Variants in PCDHGB2 observed in about 807,000 individuals in gnomAD.
PCDHGB2 encodes the protein protocadherin gamma-B2.
PCDHGB2 carries 55 observed loss-of-function variants against 59.3 expected under a neutral mutation model. The observed-to-expected ratio is 0.93, with a 90% CI of 0.75 to 1.16. PCDHGB2 has a LOEUF of 1.16. Ranked by LOEUF, PCDHGB2 falls within the 50% of genes most tolerant of loss-of-function variation. The pLI is 0.00. For missense variants in PCDHGB2, 1,228 were observed against 1,198.5 expected (o/e 1.02, Z -0.36); for synonymous variants, 516 against 512.0 (o/e 1.01, Z -0.11).
rs1477534800 is a variant in PCDHGB2, at chr5:141,404,988, A to G, written c.2421+42432A>G. The G allele has an allele frequency of 5.0e-6, 8 of 1,613,868 alleles. 1 individual carries two copies. The South Asian group carries it at 7.7e-5, about 16-fold the overall frequency. On this transcript the variant is annotated intron_variant, in intron 1 of 3. Coordinates refer to ENST00000522605, the MANE Select transcript of PCDHGB2 (RefSeq NM_018923.3). ...ATCCTGGCTGACCTGGGCAGTCTTCAGATCCCTGCAGACCTGGAGGCCTCA... is the reference window on the plus strand; with the variant it reads ...ATCCTGGCTGACCTGGGCAGTCTTCGGATCCCTGCAGACCTGGAGGCCTCA...
chr5:141,443,274 A>G (rs1259320198), intron 1 of PCDHGB2, among the ~76,000 whole-genome samples: 12 of 151,534 alleles, frequency 7.9e-5, no homozygotes, highest in African/African-American at 1.7e-4. Context: ...TGAGCCCAGG[A>G]GTTTGAGACC....
chr5:141,388,430 TAAAG>T (rs2091357990), intron 1 of PCDHGB2: 1 of 1,613,634 alleles, frequency 6.2e-7, no homozygotes, highest in South Asian at 1.1e-5. Context: ...CACTGATAAA[TAAAG>T]AGAAATCAGA....
At position 141,402,030 on chromosome 5, in the gene PCDHGB2, A is replaced by C. The variant is rs188760101; in HGVS notation, c.2421+39474A>C. On this transcript the variant is annotated intron_variant, in intron 1 of 3. Transcript: ENST00000522605. Reference sequence around the variant, plus strand: ...ATATGCATTTGAATCATTGAAACACAGTCTGTGCATGCATTACATATTCAC... The same window carrying C: ...ATATGCATTTGAATCATTGAAACACCGTCTGTGCATGCATTACATATTCAC... Among the ~76,000 whole-genome samples the C allele has an allele frequency of 1.4e-3, 213 of 152,348 alleles. 1 individual carries two copies. The highest frequency in any genetic ancestry group is 4.8e-3 in the African/African-American group (199 of 41,586).
rs1289890545 is a variant in PCDHGB2, at chr5:141,414,874, C to T, written c.2421+52318C>T. ...CCAGAACGACAATGCGCCCGAGATC[C>T]TGTACCCCGCCCTCCCCACAGACGG... is the stretch of plus-strand genomic sequence containing the variant. On this transcript the variant is annotated intron_variant, in intron 1 of 3. Transcript: ENST00000522605. 3.7e-6 allele frequency: 6 copies of T among 1,614,136 alleles called. No individual in the cohort carries two copies. The African/African-American group carries it at 8.0e-5, about 22-fold the overall frequency.
intron 1 of PCDHGB2, chr5:141,478,814 C>T (rs1271237848): frequency 6.9e-7 from 1 of 1,451,050 alleles, no homozygotes; most frequent in East Asian, 2.5e-5. Context: ...GCTATCACAA[C>T]TAACCAATCT....
chr5:141,420,857 C>T (rs1342820721), intron 1 of PCDHGB2, among the ~76,000 whole-genome samples: 1 of 152,220 alleles, frequency 6.6e-6, no homozygotes, highest in Non-Finnish European at 1.5e-5. Context: ...AAAGTTTTAA[C>T]GTCACATAAT....
At chr5:141,504,696 G>T (rs2099840373) in intron 2 of PCDHGB2, among the ~76,000 whole-genome samples, 1 of 151,438 alleles carries the variant, frequency 6.6e-6, no homozygotes, top group African/African-American at 2.4e-5. Flanking sequence ...GGAGGGGCAG[G>T]TTCTTCTATG....
intron 1 of PCDHGB2, chr5:141,400,710 C>A (rs1480952915): frequency 2.9e-6 from 2 of 693,672 alleles, no homozygotes; most frequent in Non-Finnish European, 4.8e-6. Context: ...AAAGAAGTAG[C>A]CTTATAGATT....
intron 1 of PCDHGB2, chr5:141,372,982 GT>G: frequency 1.6e-6 from 1 of 641,336 alleles, no homozygotes; most frequent in East Asian, 2.8e-5. Flanking sequence ...GAATATCTGT[GT>G]TGCAGTTGTT....
chr5:141,445,564 G>A (rs564704836), intron 1 of PCDHGB2, among the ~76,000 whole-genome samples: 20 of 152,306 alleles, frequency 1.3e-4, no homozygotes, highest in Admixed American at 1.2e-3. Context: ...CTAAGAGAAA[G>A]CTTATAGTAG....
chr5:141,393,194 C>T (rs770162660), intron 1 of PCDHGB2: 4 of 1,613,360 alleles, frequency 2.5e-6, no homozygotes, highest in Non-Finnish European at 2.5e-6. Flanking sequence ...TTGATATTAA[C>T]GATAATAACC....
intron 2 of PCDHGB2, among the ~76,000 whole-genome samples, chr5:141,499,937 C>T (rs1257575594): frequency 6.6e-6 from 1 of 152,082 alleles, no homozygotes; most frequent in Non-Finnish European, 1.5e-5. Context: ...ATCCACCCTC[C>T]TCGGCCTCCC....
Position 141,360,248 on chromosome 5 carries a change from C to T in PCDHGB2, c.113C>T (p.Pro38Leu), listed in dbSNP as rs765556005. ...CCAGTCCAGATCCGCTATTCAATTCCAGAGGAGCTGGCCAAAAACTCGGTC... is the reference window on the plus strand; with the variant it reads ...CCAGTCCAGATCCGCTATTCAATTCTAGAGGAGCTGGCCAAAAACTCGGTC... ...ALPVQIRYSI[P>L]EELAKNSVVG... The change falls in exon 1 of 4, where the codon CCA becomes CTA. Residue 38 changes from proline to leucine, a missense_variant. Around this residue, in one of 3 missense-constraint regions of PCDHGB2, gnomAD observed 781 missense variants for 721.6 expected, o/e 1.08. Coordinates refer to ENST00000522605, the MANE Select transcript of PCDHGB2 (RefSeq NM_018923.3). 6.2e-7 allele frequency: 1 copy of T among 1,613,920 alleles called. No individual in the cohort carries two copies. The highest frequency in any genetic ancestry group is 1.1e-5 in the South Asian group (1 of 91,078).
chr5:141,444,152 ATTTTTTTTTTTTTT>A (rs747671382), intron 1 of PCDHGB2, among the ~76,000 whole-genome samples: 241 of 33,882 alleles, frequency 7.1e-3, no homozygotes, highest in African/African-American at 0.019. Flanking sequence ...TGTGTACTGG[ATTTTTTTTTTTTTT>A]TTTTTTTTTT....
chr5:141,382,728 C>T, intron 1 of PCDHGB2: 1 of 545,686 alleles, frequency 1.8e-6, no homozygotes. Context: ...AGTTTTACAG[C>T]ACAGAGAAAC....
chr5:141,439,579 G>A (rs980322898), intron 1 of PCDHGB2, among the ~76,000 whole-genome samples: 6 of 152,148 alleles, frequency 3.9e-5, no homozygotes, highest in African/African-American at 1.4e-4. Context: ...GGGACTCAGA[G>A]TGCCACTGTT....
chr5:141,454,932 C>G (rs945154196), intron 1 of PCDHGB2, among the ~76,000 whole-genome samples: 7 of 150,770 alleles, frequency 4.6e-5, no homozygotes, highest in Non-Finnish European at 1.0e-4. Context: ...CTCAGCCTCC[C>G]GAGTAGCTGG....
Position 141,489,968 on chromosome 5 carries a change from A to G in PCDHGB2, c.2422-4839A>G. 6.2e-7 allele frequency: 1 copy of G among 1,614,146 alleles called. No homozygotes were observed. The highest frequency in any genetic ancestry group is 2.2e-5 in the East Asian group (1 of 44,880). On this transcript the variant is annotated intron_variant, in intron 1 of 3. Coordinates refer to ENST00000522605, the MANE Select transcript of PCDHGB2 (RefSeq NM_018923.3). This position sits in a 1 kb window ranked among gnomAD's most constrained non-coding sequence, Gnocchi z 4.5. Reference sequence around the variant, plus strand: ...ATCAATGATAATGCTCCAACCTTCCAATCCTCAGTTCTACGTGTGGGAATC... The same window carrying G: ...ATCAATGATAATGCTCCAACCTTCCGATCCTCAGTTCTACGTGTGGGAATC...
chr5:141,399,478 G>A, intron 1 of PCDHGB2: 2 of 1,614,012 alleles, frequency 1.2e-6, no homozygotes, highest in East Asian at 2.2e-5. Flanking sequence ...TTTCCACCAG[G>A]CGTCCTACTT....
Sources: gnomAD v4.1 joint callset for allele counts (sites outside exome capture counted in the v4.1 genomes callset) on GRCh38, gnomAD v4.1.1 for gene constraint, gnomAD v4.1.1 regional missense constraint, Gnocchi (gnomAD v3.1) non-coding constraint, MANE v1.5 for transcripts, NCBI Gene and HGNC (gene_info 2026-07-23, HGNC 2026-07-21) for gene names.